The following AKR1C3 variants were observed in gnomAD, a reference collection of about 807,000 sequenced individuals.
The protein encoded by AKR1C3 is aldo-keto reductase family 1 member C3.
In AKR1C3, 48 loss-of-function variants were observed where a neutral mutation model predicts 43.6. The observed-to-expected ratio is 1.10, with a 90% CI of 0.87 to 1.40. AKR1C3 has a LOEUF of 1.40. Ranked by LOEUF, AKR1C3 falls within the 40% of genes most tolerant of loss-of-function variation. The probability of loss-of-function intolerance (pLI) is 0.00; values close to 1 mark genes in which losing one functional copy is unlikely to be tolerated. For synonymous variants in AKR1C3, 162 were observed against 139.6 expected, an observed-to-expected ratio of 1.16 and a Z score of -1.13; for missense variants, 482 against 391.2, an observed-to-expected ratio of 1.23 and a Z score of -1.96.
intron 1 of AKR1C3, among the ~76,000 whole-genome samples, chr10:5,078,415 G>A (rs964561546): frequency 6.6e-6 from 1 of 152,238 alleles, no homozygotes; most frequent in Admixed American, 6.5e-5. Context: ...CTGCACTCCA[G>A]CCTGGTCAAC....
chr10:5,095,552 C>T (rs1007707399), intron 1 of AKR1C3, among the ~76,000 whole-genome samples: 1 of 150,254 alleles, frequency 6.7e-6, no homozygotes, highest in Non-Finnish European at 1.5e-5. Context: ...GTAATTTCAA[C>T]GAAACAAGAA....
intron 1 of AKR1C3, among the ~76,000 whole-genome samples, chr10:5,069,585 G>T (rs1838577711): frequency 6.6e-6 from 1 of 152,118 alleles, no homozygotes; most frequent in Admixed American, 6.5e-5. Context: ...TAAAAAGCAA[G>T]AATTCCTGGC....
At chr10:5,091,724 A>G (rs567751608), upstream of AKR1C3, among the ~76,000 whole-genome samples, 20 of 152,248 alleles carry the variant, frequency 1.3e-4, no homozygotes, top group South Asian at 3.9e-3. Flanking sequence ...TCCACTTCAC[A>G]TTATTGATTT....
chr10:5,065,322 C>G (rs1049758921), intron 1 of AKR1C3, among the ~76,000 whole-genome samples: 26 of 152,214 alleles, frequency 1.7e-4, no homozygotes, highest in African/African-American at 6.3e-4. Flanking sequence ...CATTGTAACA[C>G]TGTTCACAAT....
At chr10:5,097,040 T>A (rs2131839391) in intron 2 of AKR1C3, among the ~76,000 whole-genome samples, 1 of 152,304 alleles carries the variant, frequency 6.6e-6, no homozygotes, top group South Asian at 2.1e-4. Flanking sequence ...AAACTTGTTT[T>A]ACCCCCCTTT....
intron 1 of AKR1C3, chr10:5,081,576 C>T (rs781881373): frequency 1.3e-5 from 2 of 152,206 alleles, no homozygotes; most frequent in African/African-American, 2.4e-5. Flanking sequence ...CTCAGTACAT[C>T]GTTCAACTTT....
At position 5,102,582 on chromosome 10, in the gene AKR1C3, C is replaced by T. The variant is rs1554786278; in HGVS notation, c.778C>T (p.Gln260Ter). ...CCCAGCCCTGATTGCCCTGCGCTACCAGCTGCAGCGTGGGGTTGTGGTCCT... is the reference window on the plus strand; with the variant it reads ...CCCAGCCCTGATTGCCCTGCGCTACTAGCTGCAGCGTGGGGTTGTGGTCCT... ...RTPALIALRY[Q>*]LQRGVVVLAK... Residue 260 changes from glutamine (Q) to a stop codon, truncating the protein, a stop_gained, in exon 7 of 9, where the codon CAG becomes TAG. Transcript: ENST00000380554. LOFTEE classifies it high-confidence loss of function. 3.9e-6 allele frequency: 6 copies of T among 1,553,290 alleles called. No individual in the cohort carries two copies. Among genetic ancestry groups the T allele is most frequent in the Non-Finnish European group, 5.2e-6 (6 of 1,146,902 alleles).
At chr10:5,078,088 T>A in intron 1 of AKR1C3, 1 of 598,160 alleles carries the variant, frequency 1.7e-6, no homozygotes, top group Non-Finnish European at 2.9e-6. Context: ...ATAAAAGGAA[T>A]GATGTCTTTT....
chr10:5,057,979 CTTGATCTGCT>C (rs1235066701), intron 1 of AKR1C3, among the ~76,000 whole-genome samples: 1 of 152,176 alleles, frequency 6.6e-6, no homozygotes, highest in Non-Finnish European at 1.5e-5. Context: ...CCAGGTCTGC[CTTGATCTGCT>C]TTAAATCAGA....
chr10:5,077,003 T>C (rs1249281792), intron 1 of AKR1C3, among the ~76,000 whole-genome samples: 6 of 152,224 alleles, frequency 3.9e-5, no homozygotes, highest in Admixed American at 2.0e-4. Flanking sequence ...CAGCACCTCA[T>C]TGGGATTATT....
At chr10:5,063,990 G>A (rs1838441017) in intron 1 of AKR1C3, among the ~76,000 whole-genome samples, 1 of 152,022 alleles carries the variant, frequency 6.6e-6, no homozygotes, top group Non-Finnish European at 1.5e-5. Context: ...TGTCATTTCA[G>A]GAATGTTTAC....
upstream of AKR1C3, among the ~76,000 whole-genome samples, chr10:5,089,536 T>C (rs112025355): frequency 4.1e-4 from 62 of 152,266 alleles, no homozygotes; most frequent in East Asian, 2.1e-3. Flanking sequence ...TAGTCTACTC[T>C]CAAAGATTTA....
intron 1 of AKR1C3, among the ~76,000 whole-genome samples, chr10:5,077,315 T>C (rs1838736626): frequency 6.6e-6 from 1 of 152,142 alleles, no homozygotes; most frequent in African/African-American, 2.4e-5. Flanking sequence ...TTATATATTC[T>C]TGGCATCCAG....
intron 1 of AKR1C3, among the ~76,000 whole-genome samples, chr10:5,078,683 T>A (rs1056607340): frequency 6.6e-6 from 1 of 152,226 alleles, no homozygotes; most frequent in African/African-American, 2.4e-5. Flanking sequence ...CTGGAGGACA[T>A]GCAAGTAATT....
In AKR1C3 at chr10:5,086,367, T is replaced by G. The variant is rs1191272959; in HGVS notation, c.85-10043T>G. 1.1e-4 allele frequency among the ~76,000 whole-genome samples: 16 copies of G among 151,712 alleles called. 1 individual carries two copies. The highest frequency in any genetic ancestry group is 3.9e-4 in the African/African-American group (16 of 41,066). ...TCATTCAGGAGCAGGTTGTTCAGTT[T>G]CCATGTAGTTGAGCAGTTTTGAGTG... On this transcript the variant is annotated intron_variant, in intron 1 of 8. Transcript: ENST00000439082.
intron 2 of AKR1C3, 128 bp downstream of exon 2, chr10:5,096,705 TCA>T (rs1247479074): frequency 3.5e-6 from 5 of 1,421,636 alleles, no homozygotes; most frequent in Non-Finnish European, 4.7e-6. Context: ...TCACACATAC[TCA>T]CATACTAAAA....
intron 1 of AKR1C3, among the ~76,000 whole-genome samples, chr10:5,095,881 C>T (rs1554785036): frequency 6.7e-6 from 1 of 149,144 alleles, no homozygotes; most frequent in South Asian, 2.1e-4. Context: ...TTCACAGATG[C>T]TTTATTTCCC....
At chr10:5,082,632 C>A (rs1465689226) in intron 1 of AKR1C3, among the ~76,000 whole-genome samples, 1 of 151,984 alleles carries the variant, frequency 6.6e-6, no homozygotes, top group Non-Finnish European at 1.5e-5. Context: ...TCCTTGCATC[C>A]CTGGAATGAA....
chr10:5,075,513 C>T (rs557251909), intron 1 of AKR1C3, among the ~76,000 whole-genome samples: 2 of 152,156 alleles, frequency 1.3e-5, no homozygotes, highest in South Asian at 2.1e-4. Flanking sequence ...AAGGATTGAT[C>T]TACTGGTAGA....
Sources: allele counts gnomAD v4.1 joint callset (sites outside exome capture counted in the v4.1 genomes callset), GRCh38; gene constraint gnomAD v4.1.1; transcripts MANE v1.5; gene names NCBI Gene and HGNC (gene_info 2026-07-23, HGNC 2026-07-21).